XIRP2: variants seen among roughly 807,000 people sequenced by gnomAD.
The protein encoded by XIRP2 is xin actin-binding repeat-containing protein 2.
XIRP2 carries 236 observed loss-of-function variants against 277.0 expected under a neutral mutation model. That is an observed-to-expected ratio of 0.85 (90% CI 0.77 to 0.95). The LOEUF is 0.95. XIRP2 is among the 40% of genes least tolerant of loss of function. The probability of loss-of-function intolerance (pLI) is 0.00; values close to 1 mark genes in which losing one functional copy is unlikely to be tolerated. For synonymous variants in XIRP2, 1,490 were observed against 1,416.5 expected, an observed-to-expected ratio of 1.05 and a Z score of -1.17; for missense variants, 4,640 against 4,157.5, an observed-to-expected ratio of 1.12 and a Z score of -3.19.
Position 166,952,103 on chromosome 2 carries a change from C to T in XIRP2, c.408+48213C>T, listed in dbSNP as rs144835449. Among the ~76,000 whole-genome samples, 719 of 152,036 alleles carry T rather than the reference C, an allele frequency of 4.7e-3. 6 individuals carry two copies. Among genetic ancestry groups the T allele is most frequent in the African/African-American group, 0.016 (682 of 41,490 alleles). On this transcript the variant is annotated intron_variant, in intron 2 of 10. Transcript: ENST00000409195. Reference sequence around the variant, plus strand: ...AAAGGAAGCTTCAAATGTATAAGCACGCTTATCAGTTTTCTGCTACTGTGT... The same window carrying T: ...AAAGGAAGCTTCAAATGTATAAGCATGCTTATCAGTTTTCTGCTACTGTGT...
At chr2:167,030,381 T>G (rs1688310013) in intron 2 of XIRP2, among the ~76,000 whole-genome samples, 1 of 152,166 alleles carries the variant, frequency 6.6e-6, no homozygotes. Flanking sequence ...AAACACTGCT[T>G]TATCTGGGCC....
At chr2:167,087,764 C>A (rs1446675587) in intron 2 of XIRP2, among the ~76,000 whole-genome samples, 1 of 152,232 alleles carries the variant, frequency 6.6e-6, no homozygotes, top group African/African-American at 2.4e-5. Context: ...ACCCCTTGCG[C>A]TTCCCAAGTG....
intron 8 of XIRP2, among the ~76,000 whole-genome samples, chr2:167,242,126 A>G (rs1312358621): frequency 3.3e-5 from 5 of 152,306 alleles, no homozygotes; most frequent in East Asian, 1.9e-4. Context: ...TGAAAAAATT[A>G]TATATGTTCT....
At chr2:167,022,429 A>T (rs1688009182) in intron 2 of XIRP2, among the ~76,000 whole-genome samples, 1 of 152,022 alleles carries the variant, frequency 6.6e-6, no homozygotes, top group Non-Finnish European at 1.5e-5. Context: ...CAATTGCATA[A>T]TGTTATGTAT....
rs559887339 is a variant in XIRP2 at position 167,108,757 on chromosome 2, C to T, written c.409-27152C>T. 1.8e-4 allele frequency among the ~76,000 whole-genome samples: 27 copies of T among 151,806 alleles called. No homozygotes were observed. In the East Asian group the frequency reaches 2.5e-3, roughly 14 times the overall value. ...GTAAATGTACACTCTTTAAAATGTA[C>T]ACTCTTTAAATGTATACTCTTTAAA... On this transcript the variant is annotated intron_variant, in intron 2 of 10. Transcript: ENST00000409195.
At chr2:166,895,596 T>G (rs1204958180) in intron 1 of XIRP2, among the ~76,000 whole-genome samples, 1 of 143,458 alleles carries the variant, frequency 7.0e-6, no homozygotes, top group East Asian at 1.9e-4. Flanking sequence ...TGCAGCAGGG[T>G]CACTGCCTGC....
At chr2:167,111,290 G>T (rs1022294245) in intron 2 of XIRP2, among the ~76,000 whole-genome samples, 1 of 152,096 alleles carries the variant, frequency 6.6e-6, no homozygotes, top group African/African-American at 2.4e-5. Context: ...TGCCCCTTCA[G>T]TGTAATGTGG....
At chr2:167,000,804 C>A (rs1016463540) in intron 2 of XIRP2, among the ~76,000 whole-genome samples, 2 of 152,176 alleles carry the variant, frequency 1.3e-5, no homozygotes, top group Admixed American at 6.5e-5. Flanking sequence ...ATCATAATGT[C>A]TTTGATAGTC....
At chr2:167,232,527 T>C (rs181133563) in intron 5 of XIRP2, among the ~76,000 whole-genome samples, 32 of 152,074 alleles carry the variant, frequency 2.1e-4, no homozygotes, top group Admixed American at 4.6e-4. Context: ...GTAAAATTCA[T>C]TGATGTAGCT....
At chr2:167,193,185 C>T (rs1267940097) in intron 3 of XIRP2, among the ~76,000 whole-genome samples, 1 of 152,140 alleles carries the variant, frequency 6.6e-6, no homozygotes, top group Non-Finnish European at 1.5e-5. Context: ...TCAGCTATAG[C>T]AGTTGTCAAC....
chr2:166,922,554 C>T (rs183056422), intron 2 of XIRP2, among the ~76,000 whole-genome samples: 11 of 151,758 alleles, frequency 7.2e-5, no homozygotes, highest in African/African-American at 2.4e-4. Flanking sequence ...TGTCCAGATT[C>T]TTCTTTTGCA....
At chr2:166,985,763 G>A (rs886969809) in intron 2 of XIRP2, among the ~76,000 whole-genome samples, 1 of 151,808 alleles carries the variant, frequency 6.6e-6, no homozygotes, top group Admixed American at 6.6e-5. Context: ...CTTAGTGTTG[G>A]TCTGGGTGTG....
chr2:167,008,667 C>T (rs1355635965), intron 2 of XIRP2, among the ~76,000 whole-genome samples: 1 of 151,538 alleles, frequency 6.6e-6, no homozygotes, highest in South Asian at 2.1e-4. Context: ...ACATTGTTGA[C>T]ATATACAACT....
At chr2:167,214,137 GCAAA>G (rs1694154493) in intron 4 of XIRP2, among the ~76,000 whole-genome samples, 20 of 112,894 alleles carry the variant, frequency 1.8e-4, no homozygotes, top group South Asian at 6.3e-4. Flanking sequence ...AAGGAAGGAA[GCAAA>G]GAGAAAGAGA....
Position 167,258,204 on chromosome 2 carries a change from A to T in XIRP2, c.*387A>T. On this transcript the variant is annotated 3_prime_UTR_variant, in exon 11 of 11. Transcript: ENST00000409195. ...ATCCCTAAGAAAACCTTACCCTTTG[A>T]GGAAGAGCTCAAAATGAGTAAACCT... The T allele has an allele frequency of 6.2e-7, 1 of 1,613,042 alleles. No homozygotes were observed. Among genetic ancestry groups the T allele is most frequent in the Non-Finnish European group, 8.5e-7 (1 of 1,179,558 alleles).
At chr2:167,214,865 C>T (rs551033619) in intron 4 of XIRP2, among the ~76,000 whole-genome samples, 2 of 152,230 alleles carry the variant, frequency 1.3e-5, no homozygotes, top group South Asian at 4.1e-4. Flanking sequence ...CCACACCAGG[C>T]TGGTATATCT....
At chr2:167,041,811 G>A (rs1164818530) in intron 2 of XIRP2, among the ~76,000 whole-genome samples, 4 of 152,078 alleles carry the variant, frequency 2.6e-5, no homozygotes, top group African/African-American at 9.7e-5. Flanking sequence ...CCACATTAGA[G>A]AGGGTGACAT....
At chr2:167,148,331 G>A (rs1297411691) in intron 3 of XIRP2, among the ~76,000 whole-genome samples, 2 of 150,728 alleles carry the variant, frequency 1.3e-5, no homozygotes, top group African/African-American at 2.4e-5. Flanking sequence ...GCAGTGAGCC[G>A]AGATCGCACC....
intron 2 of XIRP2, among the ~76,000 whole-genome samples, chr2:166,928,788 T>C (rs956853740): frequency 6.6e-6 from 1 of 152,040 alleles, no homozygotes; most frequent in Admixed American, 6.6e-5. Context: ...TCCACTACTC[T>C]CATGGGGAAA....
Sources: allele counts gnomAD v4.1 joint callset (sites outside exome capture counted in the v4.1 genomes callset), GRCh38; gene constraint gnomAD v4.1.1; transcripts MANE v1.5; gene names NCBI Gene and HGNC (gene_info 2026-07-23, HGNC 2026-07-21).